Variants in SLC25A51 observed in about 807,000 individuals in gnomAD.
The protein encoded by SLC25A51 is mitochondrial nicotinamide adenine dinucleotide transporter SLC25A51.
Under a neutral mutation model 19.1 loss-of-function variants are expected in SLC25A51, and 11 were observed. The observed-to-expected ratio is 0.58, with a 90% CI of 0.36 to 0.96. SLC25A51 has a LOEUF of 0.96. Ranked by LOEUF, SLC25A51 falls within the 40% of genes least tolerant of loss-of-function variation. The pLI is 0.01. For missense variants in SLC25A51, 201 were observed against 365.4 expected (o/e 0.55, Z 3.67); for synonymous variants, 105 against 133.6 (o/e 0.79, Z 1.47).
downstream of SLC25A51, among the ~76,000 whole-genome samples, chr9:37,885,418 G>A (rs944417346): frequency 2.0e-5 from 3 of 149,512 alleles, no homozygotes; most frequent in Non-Finnish European, 3.0e-5. Context: ...TGATGCTTAA[G>A]GAAAAAAGCT....
downstream of SLC25A51, among the ~76,000 whole-genome samples, chr9:37,882,885 C>T (rs1038056072): frequency 1.3e-5 from 2 of 152,154 alleles, no homozygotes; most frequent in Non-Finnish European, 2.9e-5. Flanking sequence ...ACTCTGTTGC[C>T]CAGGCTGGAG....
At chr9:37,885,098 T>G (rs971408371), downstream of SLC25A51, among the ~76,000 whole-genome samples, 1 of 152,080 alleles carries the variant, frequency 6.6e-6, no homozygotes, top group Non-Finnish European at 1.5e-5. Context: ...TAATGAAGAC[T>G]GTCCTCTGCA....
At chr9:37,878,556 G>T, downstream of SLC25A51, 2 of 171,140 alleles carry the variant, frequency 1.2e-5, no homozygotes, top group Non-Finnish European at 1.3e-5. Context: ...GCAAAATTTG[G>T]CTTTGCTGCA....
chr9:37,886,473 TTA>T (rs897181404), downstream of SLC25A51: 15 of 1,413,790 alleles, frequency 1.1e-5, no homozygotes, highest in African/African-American at 8.6e-5. Flanking sequence ...AGCCTTTTAT[TTA>T]TGTTTTCCCT....
intron 2 of SLC25A51, among the ~76,000 whole-genome samples, chr9:37,891,153 C>T (rs149036650): frequency 6.6e-6 from 1 of 152,350 alleles, no homozygotes; most frequent in Non-Finnish European, 1.5e-5. Context: ...CCTTCTAAGA[C>T]TACAGATTAA....
chr9:37,901,478 G>C (rs1831847667), intron 1 of SLC25A51, among the ~76,000 whole-genome samples: 1 of 152,154 alleles, frequency 6.6e-6, no homozygotes, highest in South Asian at 2.1e-4. Flanking sequence ...TTATTTTCTT[G>C]TAATTCTTAA....
Position 37,888,164 on chromosome 9 carries a change from C to A in SLC25A51, c.387G>T (p.Gly129=). The A allele has an allele frequency of 6.2e-7, 1 of 1,613,966 alleles. No homozygotes were observed. Residue 129 remains glycine (G), a synonymous_variant, in exon 3 of 3, where the codon GGG becomes GGT. Coordinates refer to ENST00000242275, the MANE Select transcript of SLC25A51 (RefSeq NM_033412.4). ...GTGGAGTGAAAATTGCTTCTGTTGT[C>A]CCTGCAAGCACTGCCGCCACGCCAC... is the stretch of plus-strand genomic sequence containing the variant. ...ATSGVAAVLA[G]TTEAIFTPLE...
At chr9:37,894,157 T>G (rs969991834) in intron 2 of SLC25A51, among the ~76,000 whole-genome samples, 4 of 150,708 alleles carry the variant, frequency 2.7e-5, no homozygotes, top group East Asian at 1.9e-4. Context: ...ATGGTTGCTG[T>G]TTTTTTTTAT....
chr9:37,889,456 G>A (rs1318950180), intron 2 of SLC25A51, among the ~76,000 whole-genome samples: 1 of 152,168 alleles, frequency 6.6e-6, no homozygotes, highest in Non-Finnish European at 1.5e-5. Context: ...CACCTTGGAA[G>A]GTGGAGGTGT....
At chr9:37,894,893 T>A (rs140652162) in intron 2 of SLC25A51, among the ~76,000 whole-genome samples, 62 of 152,324 alleles carry the variant, frequency 4.1e-4, no homozygotes, top group African/African-American at 1.2e-3. Flanking sequence ...GTTCCTGAGT[T>A]AGTATGCTAA....
chr9:37,893,273 A>G (rs1296204865), intron 2 of SLC25A51, among the ~76,000 whole-genome samples: 1 of 152,256 alleles, frequency 6.6e-6, no homozygotes, highest in African/African-American at 2.4e-5. Flanking sequence ...AAGAATATAG[A>G]CTATGATTAA....
At chr9:37,884,336 T>C (rs907685176), downstream of SLC25A51, among the ~76,000 whole-genome samples, 1 of 152,232 alleles carries the variant, frequency 6.6e-6, no homozygotes, top group African/African-American at 2.4e-5. Flanking sequence ...GGCTATTACC[T>C]ACTTTTAGAA....
chr9:37,880,827 C>T (rs1831335735), intron 3 of SLC25A51: 1 of 152,144 alleles, frequency 6.6e-6, no homozygotes, highest in Admixed American at 6.5e-5. Flanking sequence ...TGCTCTGTAG[C>T]TATGCAGAGA....
intron 2 of SLC25A51, among the ~76,000 whole-genome samples, chr9:37,898,543 G>A (rs545659533): frequency 9.4e-5 from 14 of 148,480 alleles, no homozygotes; most frequent in Admixed American, 4.7e-4. Flanking sequence ...CAACAAGAGT[G>A]AAACTCCATC....
downstream of SLC25A51, chr9:37,886,430 A>T: frequency 6.5e-7 from 1 of 1,545,768 alleles, no homozygotes; most frequent in East Asian, 2.2e-5. Flanking sequence ...TGTCAATTCC[A>T]GGCTCTTTCC....
chr9:37,900,508 C>T (rs1276513320), intron 1 of SLC25A51, among the ~76,000 whole-genome samples: 1 of 151,884 alleles, frequency 6.6e-6, no homozygotes, highest in African/African-American at 2.4e-5. Flanking sequence ...TACGGTGGTA[C>T]GATCATGGCT....
chr9:37,897,388 T>A (rs1187723811), intron 2 of SLC25A51, among the ~76,000 whole-genome samples: 1 of 151,970 alleles, frequency 6.6e-6, no homozygotes, highest in African/African-American at 2.4e-5. Context: ...TTTACTTCCA[T>A]CAGTTTTCTA....
chr9:37,901,810 T>C (rs1352900853), intron 1 of SLC25A51, among the ~76,000 whole-genome samples: 6 of 152,236 alleles, frequency 3.9e-5, no homozygotes, highest in African/African-American at 1.4e-4. Context: ...TTGAGTTTGA[T>C]AATTATTAGT....
intron 2 of SLC25A51, among the ~76,000 whole-genome samples, chr9:37,898,237 C>T (rs1831763349): frequency 6.6e-6 from 1 of 152,166 alleles, no homozygotes; most frequent in African/African-American, 2.4e-5. Flanking sequence ...ATGGCAAAAC[C>T]CTATCTGTAC....
Sources: gnomAD v4.1 joint callset for allele counts (sites outside exome capture counted in the v4.1 genomes callset) on GRCh38, gnomAD v4.1.1 for gene constraint, MANE v1.5 for transcripts, NCBI Gene and HGNC (gene_info 2026-07-23, HGNC 2026-07-21) for gene names.